CLEC4E: variants seen among roughly 807,000 people sequenced by gnomAD.
CLEC4E encodes the protein C-type (calcium dependent, carbohydrate-recognition domain) lectin, superfamily member 9.
In CLEC4E, 21 loss-of-function variants were observed where a neutral mutation model predicts 24.7. That is an observed-to-expected ratio of 0.85 (90% confidence interval 0.60 to 1.22). The LOEUF (loss-of-function observed/expected upper bound fraction) is 1.22. CLEC4E is among the 50% of genes most tolerant of loss of function. The pLI is 0.00. For missense variants in CLEC4E, 249 were observed against 254.1 expected (o/e 0.98, Z 0.14); for synonymous variants, 94 against 85.7 (o/e 1.10, Z -0.54).
chr12:8,535,802 T>A (rs1280122071), intron 5 of CLEC4E, among the ~76,000 whole-genome samples: 1 of 152,234 alleles, frequency 6.6e-6, no homozygotes, highest in African/African-American at 2.4e-5. Context: ...ACTTACTATT[T>A]TTTTCCTCAT....
intron 3 of CLEC4E, 93 bp from the exon 4 acceptor site, chr12:8,537,359 A>G (rs1254683990): frequency 4.2e-6 from 5 of 1,196,824 alleles, no homozygotes; most frequent in Non-Finnish European, 5.9e-6. Context: ...CATTTAAGTC[A>G]GAAGCCTTGG....
At chr12:8,537,015 A>G in intron 4 of CLEC4E, 100 bp downstream of exon 4, 1 of 1,073,114 alleles carries the variant, frequency 9.3e-7, no homozygotes, top group South Asian at 2.3e-5. Flanking sequence ...TAGTACATTC[A>G]TTAACAATAG....
In CLEC4E at chr12:8,540,897, A is replaced by C; in HGVS notation, c.-100T>G. ...AGTGTTTTGTTGGTAAGATTCAGGG[A>C]GAATGAATCTTGAAAGATAAACACT... On this transcript the variant is annotated 5_prime_UTR_variant, in exon 1 of 6. Transcript: ENST00000299663. 1 of 809,204 alleles carries C rather than the reference A, an allele frequency of 1.2e-6. No individual in the cohort carries two copies. The highest frequency in any genetic ancestry group is 1.4e-5 in the South Asian group (1 of 72,364). The allele number at this position is 809,204 out of a possible 1,614,324, so 50.1% of individuals were successfully genotyped here.
At position 8,540,751 on chromosome 12, in the gene CLEC4E, C is replaced by A. The variant is rs1339788748; in HGVS notation, c.37+10G>T. 6.2e-7 allele frequency: 1 copy of A among 1,607,898 alleles called. No individual in the cohort carries two copies. Among genetic ancestry groups the A allele is most frequent in the Admixed American group, 1.7e-5 (1 of 59,950 alleles). On this transcript the variant is annotated intron_variant, in intron 1 of 5. Transcript: ENST00000299663. ...ATCTATGGAAGGAAAGGAAGAGTTG[C>A]AGATTTTACCTGTGCATTGTGTTTC... is the stretch of plus-strand genomic sequence containing the variant.
intron 3 of CLEC4E, 44 bp from the exon 4 acceptor site, chr12:8,537,310 T>C (rs756620041): frequency 1.3e-6 from 2 of 1,578,020 alleles, no homozygotes; most frequent in Non-Finnish European, 1.7e-6. Context: ...GTGAACCGAA[T>C]AAGAAAACCC....
intron 3 of CLEC4E, 165 bp downstream of exon 3, chr12:8,539,052 C>T (rs1187180468): frequency 1.8e-6 from 1 of 553,042 alleles, no homozygotes; most frequent in Non-Finnish European, 3.2e-6. Context: ...GTCCCCAAGA[C>T]TTTCTGCCCC....
At chr12:8,534,915 T>C in intron 5 of CLEC4E, 106 bp from the exon 6 acceptor site, 1 of 986,536 alleles carries the variant, frequency 1.0e-6, no homozygotes, top group Non-Finnish European at 1.5e-6. Flanking sequence ...ACAACAATTT[T>C]GCGAGGTAGG....
chr12:8,536,067 C>G (rs1565495569), intron 5 of CLEC4E, 23 bp downstream of exon 5: 1 of 1,447,538 alleles, frequency 6.9e-7, no homozygotes, highest in Non-Finnish European at 9.7e-7. Context: ...TTCAAGAACT[C>G]CTCTCAATAG....
chr12:8,539,369 G>A, intron 2 of CLEC4E, 63 bp from the exon 3 acceptor site: 1 of 1,025,052 alleles, frequency 9.8e-7, no homozygotes, highest in Middle Eastern at 2.2e-4. Context: ...AGTTCCCTCA[G>A]TTTTGTATTT....
intron 5 of CLEC4E, among the ~76,000 whole-genome samples, 162 bp downstream of exon 5, chr12:8,535,928 A>T (rs566022987): frequency 2.0e-4 from 31 of 152,212 alleles, no homozygotes; most frequent in Middle Eastern, 3.4e-3. Context: ...TCTTGAGACA[A>T]TTCCAGGAAA....
At chr12:8,537,068 T>C (rs770398756) in intron 4 of CLEC4E, 47 bp downstream of exon 4, 20 of 1,574,536 alleles carry the variant, frequency 1.3e-5, no homozygotes, top group Middle Eastern at 1.8e-4. Context: ...AAAAGAGAGG[T>C]GGACCATGTC....
chr12:8,539,883 G>A lies in CLEC4E; in HGVS notation c.102C>T (p.Leu34=). ...WTVAGIPILF[L]SACFITRCVV... is the part of the protein sequence containing the mutation. ...CACATCTGGTGATGAAACAGGCACT[G>A]AGAAATAGGATGGGGATCCCAGCAA... The change falls in exon 2 of 6, where the codon CTC becomes CTT. Residue 34 remains leucine, a synonymous_variant. Transcript: ENST00000299663. 6.2e-7 allele frequency: 1 copy of A among 1,611,278 alleles called. No homozygotes were observed.
At chr12:8,535,295 A>G (rs1940597431) in intron 5 of CLEC4E, among the ~76,000 whole-genome samples, 1 of 147,040 alleles carries the variant, frequency 6.8e-6, no homozygotes, top group Admixed American at 6.6e-5. Flanking sequence ...CTCATTAGCT[A>G]AGTCACTTAA....
rs967856562 is a variant in CLEC4E, at chr12:8,534,190, T to C, written c.*448A>G. 2 of 154,592 alleles carry C rather than the reference T, an allele frequency of 1.3e-5. No individual in the cohort carries two copies. Among genetic ancestry groups the C allele is most frequent in the African/African-American group, 2.4e-5 (1 of 41,464 alleles). The allele number at this position is 154,592 out of a possible 1,614,324, so 9.6% of individuals were successfully genotyped here. A position where few individuals can be genotyped will look rare whatever the true frequency, so the allele number is the denominator to read the frequency against. On this transcript the variant is annotated 3_prime_UTR_variant, in exon 6 of 6. Transcript: ENST00000299663. ...TACAGGGGAGTAAAGAGACGATATA[T>C]GCTTGGGCAGGAGATAAGAACGGTA...
At chr12:8,538,544 G>C (rs769532521) in intron 3 of CLEC4E, among the ~76,000 whole-genome samples, 3 of 151,984 alleles carry the variant, frequency 2.0e-5, no homozygotes, top group Non-Finnish European at 4.4e-5. Flanking sequence ...CCAGACATTC[G>C]GAGCCACTAC....
chr12:8,537,785 GATC>G (rs1296286831), intron 3 of CLEC4E, among the ~76,000 whole-genome samples: 1 of 152,204 alleles, frequency 6.6e-6, no homozygotes, highest in Non-Finnish European at 1.5e-5. Context: ...ACCAGATATA[GATC>G]TTAGATATGA....
rs1222646376 is a variant in CLEC4E at position 8,539,304 on chromosome 12, T to C, written c.133A>G (p.Thr45Ala). Residue 45 changes from threonine (T) to alanine (A), a missense_variant and splice_region_variant, in exon 3 of 6, where the codon ACA (threonine) becomes GCA (alanine). Coordinates refer to ENST00000299663, the MANE Select transcript of CLEC4E (RefSeq NM_014358.4). Reference sequence around the variant, plus strand: ...TCACAGGTTTGAAAGATGCGAAATGTCACTGTAAAAGAAAGGGCATAATGT... The same window carrying C: ...TCACAGGTTTGAAAGATGCGAAATGCCACTGTAAAAGAAAGGGCATAATGT... ...SACFITRCVV[T>A]FRIFQTCDEK... 1.2e-6 allele frequency: 2 copies of C among 1,605,112 alleles called. No homozygotes were observed. The highest frequency in any genetic ancestry group is 3.4e-5 in the Admixed American group (2 of 59,132).
rs58920673 is a variant in CLEC4E at position 8,540,823 on chromosome 12, T to TTCTC, written c.-30_-27dup. 0.5 allele frequency: 633,480 copies of TTCTC among 1,277,088 alleles called. 143,184 individuals carry two copies. The highest frequency in any genetic ancestry group is 0.6 in the South Asian group (48,659 of 80,434). The allele number at this position is 1,277,088 out of a possible 1,614,324, so 79.1% of individuals were successfully genotyped here. ...TTTTTCTCTCTCTTTGGTTTTTTGT[T>TTCTC]TCTCTCTCTCTCTTTTTCTCTCCCT... On this transcript the variant is annotated 5_prime_UTR_variant, in exon 1 of 6. Coordinates refer to ENST00000299663, the MANE Select transcript of CLEC4E (RefSeq NM_014358.4).
At chr12:8,540,588 C>A (rs1013198878) in intron 1 of CLEC4E, among the ~76,000 whole-genome samples, 173 bp downstream of exon 1, 6 of 152,134 alleles carry the variant, frequency 3.9e-5, no homozygotes, top group Non-Finnish European at 8.8e-5. Flanking sequence ...TAGAGGCCAG[C>A]AGGCTTTCTG....
Sources: allele counts gnomAD v4.1 joint callset (sites outside exome capture counted in the v4.1 genomes callset), GRCh38; gene constraint gnomAD v4.1.1; transcripts MANE v1.5; gene names NCBI Gene and HGNC (gene_info 2026-07-23, HGNC 2026-07-21).